The following TMEM108 variants were observed in gnomAD, a reference collection of about 807,000 sequenced individuals.
TMEM108 encodes the protein transmembrane protein 108, also known as cancer/testis antigen 124.
A neutral mutation model predicts 35.1 loss-of-function variants in TMEM108; 12 were observed. The ratio of observed to expected loss-of-function variants is 0.34; its 90% CI spans 0.22 to 0.55. TMEM108 has a LOEUF of 0.55. Among genes scored for constraint, TMEM108 ranks in the 20% least tolerant of loss-of-function variants. TMEM108 has a pLI of 0.89. For synonymous variants in TMEM108, 287 were observed against 308.6 expected, an observed-to-expected ratio of 0.93 and a Z score of 0.73; for missense variants, 680 against 753.3, an observed-to-expected ratio of 0.90 and a Z score of 1.14.
chr3:133,301,613 A>G (rs1310103505), intron 3 of TMEM108, among the ~76,000 whole-genome samples: 4 of 152,206 alleles, frequency 2.6e-5, no homozygotes, highest in Admixed American at 6.5e-5. Context: ...GGGATTCTTA[A>G]CAATGCATAT....
At chr3:133,217,860 C>T (rs1160240044) in intron 2 of TMEM108, among the ~76,000 whole-genome samples, 1 of 151,920 alleles carries the variant, frequency 6.6e-6, no homozygotes, top group Non-Finnish European at 1.5e-5. Context: ...AGTGTGATGC[C>T]TCCATATTTG....
In TMEM108 at chr3:133,395,916, G is replaced by A. The variant is rs1464643408; in HGVS notation, c.1658G>A (p.Gly553Glu). ...SPANGDYRDT[G>E]MVLVNPFCQE... is the part of the protein sequence containing the mutation. Reference sequence around the variant, plus strand: ...GCCAATGGCGACTATAGAGACACTGGGATGGTCCTTGTTAACCCCTTCTGT... The same window carrying A: ...GCCAATGGCGACTATAGAGACACTGAGATGGTCCTTGTTAACCCCTTCTGT... The change falls in exon 6 of 6, where the codon GGG becomes GAG. Residue 553 changes from glycine to glutamate, a missense_variant. Gly to Glu is a moderately conservative substitution (Grantham distance 98, BLOSUM62 -2). Around this residue, in one of 3 missense-constraint regions of TMEM108, gnomAD observed 105 missense variants for 150.7 expected, o/e 0.70. Transcript: ENST00000321871. 6.2e-7 allele frequency: 1 copy of A among 1,607,788 alleles called. No individual in the cohort carries two copies. Among genetic ancestry groups the A allele is most frequent in the Non-Finnish European group, 8.5e-7 (1 of 1,177,432 alleles).
chr3:133,114,359 A>C (rs927925915), intron 2 of TMEM108, among the ~76,000 whole-genome samples: 3 of 152,198 alleles, frequency 2.0e-5, no homozygotes, highest in Non-Finnish European at 2.9e-5. Flanking sequence ...ATTTTATCCC[A>C]CATCTCATCT....
At chr3:133,143,919 C>T (rs1041277362) in intron 2 of TMEM108, among the ~76,000 whole-genome samples, 193 of 136,852 alleles carry the variant, frequency 1.4e-3, no homozygotes, top group African/African-American at 5.4e-3. Flanking sequence ...AAGGAAGGCT[C>T]ACTTTTATTT....
chr3:133,185,267 GT>G (rs200116066), intron 2 of TMEM108, among the ~76,000 whole-genome samples: 1,524 of 152,270 alleles, frequency 0.01, 35 homozygotes, highest in African/African-American at 0.035. Flanking sequence ...AGGAGAAGAT[GT>G]TTTAAGCTTC....
Position 133,216,118 on chromosome 3 carries a change from A to G in TMEM108, c.-46-13148A>G, listed in dbSNP as rs191329221. The stretch of plus-strand genomic sequence containing the variant: ...GTTCCTCCTTACTTGCTCTTCATGT[A>G]CTTGTCATTTCAAGTCAATCTGCAT... On this transcript the variant is annotated intron_variant, in intron 2 of 5. Transcript: ENST00000321871. Among the ~76,000 whole-genome samples, 9 of 151,924 alleles carry G rather than the reference A, an allele frequency of 5.9e-5. No homozygotes were observed. The East Asian group carries it at 1.7e-3, about 29-fold the overall frequency.
In TMEM108 at chr3:133,302,068, G is replaced by C. The variant is rs184302489; in HGVS notation, c.40+72717G>C. Among the ~76,000 whole-genome samples, 1,251 of 152,320 alleles carry C rather than the reference G, an allele frequency of 8.2e-3. 9 individuals are homozygous for C. Among genetic ancestry groups the C allele is most frequent in the Middle Eastern group, 0.014 (4 of 294 alleles). ...GGAAGGAAGGATGCAGGGCAAATGGGGGAGTCTATAAATTCACAAATCTGT... is the reference window on the plus strand; with the variant it reads ...GGAAGGAAGGATGCAGGGCAAATGGCGGAGTCTATAAATTCACAAATCTGT... On this transcript the variant is annotated intron_variant, in intron 3 of 5. Coordinates refer to ENST00000321871, the MANE Select transcript of TMEM108 (RefSeq NM_023943.4).
chr3:133,298,708 A>G (rs1287727480), intron 3 of TMEM108, among the ~76,000 whole-genome samples: 1 of 152,180 alleles, frequency 6.6e-6, no homozygotes, highest in Non-Finnish European at 1.5e-5. Context: ...TGAGGAAACC[A>G]AGGCTGAGAG....
intron 3 of TMEM108, among the ~76,000 whole-genome samples, chr3:133,230,297 C>T (rs940894040): frequency 3.9e-5 from 6 of 152,204 alleles, no homozygotes; most frequent in Non-Finnish European, 7.3e-5. Context: ...ACCCCCAGTG[C>T]AAAGCACTTC....
At chr3:133,305,280 C>T (rs949705445) in intron 3 of TMEM108, among the ~76,000 whole-genome samples, 1 of 147,424 alleles carries the variant, frequency 6.8e-6, no homozygotes, top group Non-Finnish European at 1.5e-5. Context: ...AACCAAACAC[C>T]ACATATTCTC....
chr3:133,070,040 C>G (rs1272791336), intron 2 of TMEM108, among the ~76,000 whole-genome samples: 1 of 152,132 alleles, frequency 6.6e-6, no homozygotes, highest in Non-Finnish European at 1.5e-5. Context: ...ATACATCATA[C>G]CTCATTCAAT....
intron 3 of TMEM108, among the ~76,000 whole-genome samples, chr3:133,250,473 G>T (rs1298590899): frequency 1.3e-5 from 2 of 152,158 alleles, no homozygotes; most frequent in African/African-American, 4.8e-5. Context: ...CAACTGTTTT[G>T]TTATCAGTAA....
intron 3 of TMEM108, among the ~76,000 whole-genome samples, chr3:133,306,999 G>T (rs2071052119): frequency 6.6e-6 from 1 of 152,176 alleles, no homozygotes; most frequent in African/African-American, 2.4e-5. Flanking sequence ...CAGTGTAAAA[G>T]TGTTCCTATT....
intron 2 of TMEM108, among the ~76,000 whole-genome samples, chr3:133,103,322 C>T (rs1373131247): frequency 6.6e-6 from 1 of 152,100 alleles, no homozygotes; most frequent in East Asian, 1.9e-4. Context: ...CCTTAGCAAA[C>T]TAATGCAAGA....
At position 133,139,608 on chromosome 3, in the gene TMEM108, C is replaced by T. The variant is rs149361743; in HGVS notation, c.-46-89658C>T. On this transcript the variant is annotated intron_variant, in intron 2 of 5. Coordinates refer to ENST00000321871, the MANE Select transcript of TMEM108 (RefSeq NM_023943.4). The stretch of plus-strand genomic sequence containing the variant: ...TCTCTAGAGCCCTGTCTGGTCTTTC[C>T]TGTGTACGCACAGCTTTAAGCATTT... Among the ~76,000 whole-genome samples, 530 of 152,320 alleles carry T rather than the reference C, an allele frequency of 3.5e-3. 3 individuals are homozygous for T. The highest frequency in any genetic ancestry group is 0.012 in the African/African-American group (502 of 41,564).
chr3:133,225,111 A>G (rs567076183), intron 2 of TMEM108, among the ~76,000 whole-genome samples: 2 of 147,702 alleles, frequency 1.4e-5, no homozygotes, highest in Non-Finnish European at 3.0e-5. Context: ...ATGGCGTGCA[A>G]TCTTGGCTCA....
At chr3:133,144,231 T>C (rs1167734955) in intron 2 of TMEM108, among the ~76,000 whole-genome samples, 11 of 152,198 alleles carry the variant, frequency 7.2e-5, no homozygotes, top group Non-Finnish European at 1.2e-4. Context: ...TGTTTGGTTT[T>C]CTGTTCCTGT....
intron 2 of TMEM108, among the ~76,000 whole-genome samples, chr3:133,093,240 C>T (rs1476251627): frequency 6.6e-6 from 1 of 152,174 alleles, no homozygotes; most frequent in Non-Finnish European, 1.5e-5. Flanking sequence ...ATCCACCTGC[C>T]TTGGCCTCCC....
intron 5 of TMEM108, among the ~76,000 whole-genome samples, chr3:133,393,604 G>C (rs892547854): frequency 6.6e-6 from 1 of 152,222 alleles, no homozygotes; most frequent in Non-Finnish European, 1.5e-5. Context: ...CTTCACTGCA[G>C]CATTGACCTT....
Sources: allele counts gnomAD v4.1 joint callset (sites outside exome capture counted in the v4.1 genomes callset), GRCh38; gene constraint gnomAD v4.1.1; regional missense constraint gnomAD v4.1.1; transcripts MANE v1.5; gene names NCBI Gene and HGNC (gene_info 2026-07-23, HGNC 2026-07-21).